RBFOX1: variants seen among roughly 807,000 people sequenced by gnomAD.
RBFOX1 encodes RNA binding fox-1 homolog 1, also known as RNA binding protein fox-1 homolog 1.
In RBFOX1, 8 loss-of-function variants were observed where a neutral mutation model predicts 57.7. The observed-to-expected ratio is 0.14, with a 90% CI of 0.08 to 0.25. The LOEUF (loss-of-function observed/expected upper bound fraction) is 0.25, where lower values mean the gene tolerates loss of function less well. Among genes scored for constraint, RBFOX1 ranks in the 10% least tolerant of loss-of-function variants. The pLI, the probability that RBFOX1 is intolerant of heterozygous loss-of-function variation, is 1.00. For synonymous variants in RBFOX1, 326 were observed against 222.4 expected, an observed-to-expected ratio of 1.47 and a Z score of -4.15; for missense variants, 611 against 548.5, an observed-to-expected ratio of 1.11 and a Z score of -1.14.
intron 4 of RBFOX1, among the ~76,000 whole-genome samples, chr16:7,466,066 A>G (rs2060465254): frequency 6.6e-6 from 1 of 152,226 alleles, no homozygotes. Context: ...AAACCTGCTC[A>G]GAGACTTTCT....
At chr16:7,394,261 AAAAG>A (rs1247613120) in intron 4 of RBFOX1, among the ~76,000 whole-genome samples, 2 of 149,902 alleles carry the variant, frequency 1.3e-5, no homozygotes, top group African/African-American at 2.5e-5. Context: ...AAAAAAAAAA[AAAAG>A]AGAGAAAGAA....
intron 10 of RBFOX1, among the ~76,000 whole-genome samples, chr16:7,627,844 A>T (rs1348834820): frequency 6.6e-6 from 1 of 152,200 alleles, no homozygotes; most frequent in Admixed American, 6.5e-5. Flanking sequence ...ATGCTTTTAG[A>T]TAAAACAAAA....
intron 3 of RBFOX1, among the ~76,000 whole-genome samples, chr16:5,673,614 T>C (rs1229950383): frequency 6.6e-6 from 1 of 152,224 alleles, no homozygotes; most frequent in Non-Finnish European, 1.5e-5. Context: ...CTCCATTCAG[T>C]GAAGTTCATG....
chr16:5,590,650 C>T (rs924706762), intron 2 of RBFOX1, among the ~76,000 whole-genome samples: 4 of 152,170 alleles, frequency 2.6e-5, no homozygotes, highest in East Asian at 1.9e-4. Context: ...ACTGAGGAAC[C>T]ATATGGGTGG....
chr16:5,263,578 T>G (rs1339835858), intron 1 of RBFOX1, among the ~76,000 whole-genome samples: 1 of 152,086 alleles, frequency 6.6e-6, no homozygotes, highest in Non-Finnish European at 1.5e-5. Flanking sequence ...TCATGGGAGT[T>G]CCAAGGGAAT....
rs138527958 is a variant in RBFOX1, at chr16:5,313,429, G to A, written c.219+73324G>A. Among the ~76,000 whole-genome samples the A allele has an allele frequency of 1.5e-4, 23 of 152,238 alleles. No homozygotes were observed. In the East Asian group the frequency reaches 4.4e-3, roughly 29 times the overall value. On this transcript the variant is annotated intron_variant, in intron 1 of 2. Transcript: ENST00000585867. ...GGAAGTGGCTTATGTTATTCACCAG[G>A]TCCTTTCCTGTAGAACAAACAGGAT...
chr16:6,531,088 A>G (rs971204859), intron 2 of RBFOX1, among the ~76,000 whole-genome samples: 2 of 152,140 alleles, frequency 1.3e-5, no homozygotes, highest in African/African-American at 4.8e-5. Flanking sequence ...TTCTACTGGA[A>G]CTGCATGAGT....
At chr16:7,041,141 G>C (rs1228708145) in intron 3 of RBFOX1, among the ~76,000 whole-genome samples, 1 of 123,138 alleles carries the variant, frequency 8.1e-6, no homozygotes, top group Non-Finnish European at 1.6e-5. Flanking sequence ...TCACCATGTT[G>C]GTCAGGCTGG....
intron 3 of RBFOX1, among the ~76,000 whole-genome samples, chr16:6,825,887 C>T: frequency 6.6e-6 from 1 of 152,178 alleles, no homozygotes; most frequent in East Asian, 1.9e-4. Flanking sequence ...ATGTAGGTGG[C>T]AGCAAGACTT....
chr16:7,108,277 C>G (rs1483682231), intron 4 of RBFOX1, among the ~76,000 whole-genome samples: 1 of 152,140 alleles, frequency 6.6e-6, no homozygotes, highest in African/African-American at 2.4e-5. Flanking sequence ...TCAGGGAGCT[C>G]AACATATATG....
At chr16:6,960,312 T>C (rs944673494) in intron 3 of RBFOX1, among the ~76,000 whole-genome samples, 1 of 152,118 alleles carries the variant, frequency 6.6e-6, no homozygotes, top group Non-Finnish European at 1.5e-5. Context: ...ATCACTTACG[T>C]CTTTAGACGA....
chr16:5,956,849 T>C (rs2059653992), intron 4 of RBFOX1, among the ~76,000 whole-genome samples: 1 of 150,704 alleles, frequency 6.6e-6, no homozygotes, highest in Admixed American at 6.6e-5. Flanking sequence ...TTTTTTTTTT[T>C]TTATAGAGAT....
chr16:5,986,615 T>C (rs952472331), intron 4 of RBFOX1, among the ~76,000 whole-genome samples: 1 of 152,230 alleles, frequency 6.6e-6, no homozygotes, highest in Non-Finnish European at 1.5e-5. Context: ...CCTAAAATGT[T>C]ATATACATAG....
At chr16:7,497,724 A>G (rs1346090217) in intron 4 of RBFOX1, among the ~76,000 whole-genome samples, 1 of 152,226 alleles carries the variant, frequency 6.6e-6, no homozygotes, top group Non-Finnish European at 1.5e-5. Flanking sequence ...TGTCACTGAG[A>G]CTTTTAAAAA....
chr16:6,849,427 G>A (rs987494616), intron 3 of RBFOX1, among the ~76,000 whole-genome samples: 29 of 152,174 alleles, frequency 1.9e-4, no homozygotes, highest in Non-Finnish European at 2.9e-5. Flanking sequence ...CTAACACTTG[G>A]GAGGCTGAGG....
chr16:5,589,458 T>C (rs1197514735), intron 2 of RBFOX1, among the ~76,000 whole-genome samples: 5 of 152,086 alleles, frequency 3.3e-5, no homozygotes, highest in African/African-American at 1.2e-4. Flanking sequence ...CACATAACAT[T>C]ATTATGTCCA....
intron 1 of RBFOX1, among the ~76,000 whole-genome samples, chr16:6,072,915 T>C (rs938810642): frequency 6.6e-5 from 10 of 152,170 alleles, no homozygotes; most frequent in African/African-American, 2.4e-4. Context: ...GGCCTATGCT[T>C]ATGCCCAAGC....
chr16:5,509,682 C>T (rs748934225), intron 2 of RBFOX1, among the ~76,000 whole-genome samples: 29 of 152,106 alleles, frequency 1.9e-4, no homozygotes, highest in Non-Finnish European at 3.8e-4. Flanking sequence ...GCGGCAAGAG[C>T]GGGTGCCAGG....
At chr16:6,480,293 T>A (rs1229652434) in intron 2 of RBFOX1, among the ~76,000 whole-genome samples, 3 of 152,178 alleles carry the variant, frequency 2.0e-5, no homozygotes, top group East Asian at 1.9e-4. Context: ...TATGTATACA[T>A]GTTATATGCA....
Sources: allele counts gnomAD v4.1 joint callset (sites outside exome capture counted in the v4.1 genomes callset), GRCh38; gene constraint gnomAD v4.1.1; transcripts MANE v1.5; gene names NCBI Gene and HGNC (gene_info 2026-07-23, HGNC 2026-07-21).